The following FCHSD1 variants were observed in gnomAD, a reference collection of about 807,000 sequenced individuals.
FCHSD1 encodes FCH and double SH3 domains 1.
A neutral mutation model predicts 101.3 loss-of-function variants in FCHSD1; 109 were observed. The observed-to-expected ratio is 1.08, with a 90% CI of 0.92 to 1.26. The LOEUF (loss-of-function observed/expected upper bound fraction) is 1.26, where lower values mean the gene tolerates loss of function less well. Ranked by LOEUF, FCHSD1 falls within the 50% of genes most tolerant of loss-of-function variation. FCHSD1 has a pLI of 0.00. For synonymous variants in FCHSD1, 291 were observed against 356.8 expected, an observed-to-expected ratio of 0.82 and a Z score of 2.08; for missense variants, 820 against 895.8, an observed-to-expected ratio of 0.92 and a Z score of 1.08.
chr5:141,643,022 G>T lies in FCHSD1; in HGVS notation c.1930C>A (p.Pro644Thr). ...TCACCCCCAGGCAGGACAGGTGCAG[G>T]GGGCCCATCCAACACAGAGGTAGGT... ...PAPTSVLDGP[P>T]APVLPGDKAL... is the part of the protein sequence containing the mutation. The change falls in exon 18 of 20, where the codon CCT (proline) becomes ACT (threonine). Residue 644 changes from proline to threonine, a missense_variant. Physicochemically the swap from Pro to Thr is conservative, Grantham distance 38. Coordinates refer to ENST00000435817, the MANE Select transcript of FCHSD1 (RefSeq NM_033449.3). 6.4e-7 allele frequency: 1 copy of T among 1,565,586 alleles called. No homozygotes were observed. The highest frequency in any genetic ancestry group is 2.4e-5 in the East Asian group (1 of 41,408).
chr5:141,649,392 T>C lies in FCHSD1; in HGVS notation c.375+3A>G. On this transcript the variant is annotated splice_donor_region_variant and intron_variant, in intron 5 of 19. Transcript: ENST00000435817. The surrounding 1 kb of genome is among the most constrained non-coding windows in gnomAD (Gnocchi z 4.1). ...TTCCTTCACCCCAACCTCTGAGCCA[T>C]ACCTTCCTAAGCACCTGCTCCTTGG... The C allele has an allele frequency of 1.2e-6, 2 of 1,613,844 alleles. No individual in the cohort carries two copies. Among genetic ancestry groups the C allele is most frequent in the Non-Finnish European group, 1.7e-6 (2 of 1,179,802 alleles).
At chr5:141,647,631 G>C in intron 8 of FCHSD1, 111 bp from the exon 9 acceptor site, 1 of 1,514,776 alleles carries the variant, frequency 6.6e-7, no homozygotes. Flanking sequence ...AAGGAGAGAA[G>C]AAGACATTCT....
In FCHSD1 at chr5:141,639,860, G is replaced by A; in HGVS notation, c.*1638C>T. 1 of 1,569,336 alleles carries A rather than the reference G, an allele frequency of 6.4e-7. No individual in the cohort carries two copies. The highest frequency in any genetic ancestry group is 8.8e-7 in the Non-Finnish European group (1 of 1,141,886). On this transcript the variant is annotated 3_prime_UTR_variant, in exon 20 of 20. Coordinates refer to ENST00000435817, the MANE Select transcript of FCHSD1 (RefSeq NM_033449.3). The surrounding 1 kb of genome is among the most constrained non-coding windows in gnomAD (Gnocchi z 4.4). ...AAACTCAGGATGTCCCTGGTCAGAG[G>A]GGAGGGCCAAGCAGCCTCTGAGTTG...
rs988066359 is a variant in FCHSD1 at position 141,649,343 on chromosome 5, C to A, written c.376-35G>T. ...TGCATACACAAAGTCCTTACCTAGA[C>A]CACCTTTGGTCCCAAGCCAGCTCTT... On this transcript the variant is annotated intron_variant, in intron 5 of 19. Transcript: ENST00000435817. The surrounding 1 kb of genome is among the most constrained non-coding windows in gnomAD (Gnocchi z 4.1). The A allele has an allele frequency of 1.2e-6, 2 of 1,613,830 alleles. No homozygotes were observed. The highest frequency in any genetic ancestry group is 2.2e-5 in the East Asian group (1 of 44,894).
rs371568045 is a variant in FCHSD1, at chr5:141,644,649, T to C, written c.1566A>G (p.Arg522=). Residue 522 remains arginine, a synonymous_variant, in exon 16 of 20, where the codon CGA becomes CGG. Transcript: ENST00000435817. ...QHGEVGFVPE[R]YLNFPDLSLP... ...GGGAGAGGTCCGGGAAGTTGAGATA[T>C]CGCTCAGGGACAAAGCCTACCTCGC... 13 of 1,613,818 alleles carry C rather than the reference T, an allele frequency of 8.1e-6. No individual in the cohort carries two copies. Among genetic ancestry groups the C allele is most frequent in the African/African-American group, 5.3e-5 (4 of 74,904 alleles).
chr5:141,641,705 C>CCTGAGT lies in FCHSD1; in HGVS notation c.1998_2003dup (p.Leu667_Arg668dup), dbSNP rs2099906920. The CCTGAGT allele has an allele frequency of 3.1e-6, 5 of 1,614,038 alleles. No individual in the cohort carries two copies. In the East Asian group the frequency reaches 1.1e-4, roughly 36 times the overall value. On this transcript the variant is annotated inframe_insertion, in exon 19 of 20. Transcript: ENST00000435817. ...CCTCCAAGGCAAGGGCCCTTACCGG[C>CCTGAGT]CTGAGTCGAGGTGCCATCATGTCCA...
In FCHSD1 at chr5:141,641,559, C is replaced by A; in HGVS notation, c.2012G>T (p.Arg671Leu). The A allele has an allele frequency of 1.3e-6, 2 of 1,537,384 alleles. No homozygotes were observed. Among genetic ancestry groups the A allele is most frequent in the Admixed American group, 2.0e-5 (1 of 49,192 alleles). The change falls in exon 20 of 20, where the codon CGT becomes CTT. Residue 671 changes from arginine (R) to leucine (L), a missense_variant. Arg to Leu is a moderately radical substitution (Grantham distance 102, BLOSUM62 -2). Transcript: ENST00000435817. ...TTTAGCCGGCGGGGGAGGTGGTGGA[C>A]GCATCTGTAGGGAACACACAGTTAG... The part of the protein sequence containing the change: ...DMMAPRLRPM[R>L]PPPPPPAKAP...
Position 141,639,864 on chromosome 5 carries a change from G to A in FCHSD1, c.*1634C>T, listed in dbSNP as rs2099906632. 3 of 1,575,156 alleles carry A rather than the reference G, an allele frequency of 1.9e-6. No individual in the cohort carries two copies. The highest frequency in any genetic ancestry group is 4.5e-5 in the East Asian group (2 of 44,724). Reference sequence around the variant, plus strand: ...TCAGGATGTCCCTGGTCAGAGGGGAGGGCCAAGCAGCCTCTGAGTTGTGGT... The same window carrying A: ...TCAGGATGTCCCTGGTCAGAGGGGAAGGCCAAGCAGCCTCTGAGTTGTGGT... On this transcript the variant is annotated 3_prime_UTR_variant, in exon 20 of 20. Coordinates refer to ENST00000435817, the MANE Select transcript of FCHSD1 (RefSeq NM_033449.3). This position sits in a 1 kb window ranked among gnomAD's most constrained non-coding sequence, Gnocchi z 4.4.
chr5:141,650,284 T>TCA, intron 3 of FCHSD1, 75 bp downstream of exon 3: 1 of 1,582,104 alleles, frequency 6.3e-7, no homozygotes, highest in South Asian at 1.1e-5. Flanking sequence ...ACAATAGGGA[T>TCA]AGGTATGGAC....
intron 18 of FCHSD1, 38 bp downstream of exon 18, chr5:141,642,963 C>A (rs554792651): frequency 3.2e-6 from 5 of 1,539,574 alleles, no homozygotes; most frequent in Non-Finnish European, 3.5e-6. Flanking sequence ...TTCTTCCTGT[C>A]TGTTAGCCTC....
At position 141,640,847 on chromosome 5, in the gene FCHSD1, CTTCTCCTTCCCCTGCCTGCAA is replaced by C. The variant is rs2099906790; in HGVS notation, c.*630_*650del. 6.5e-6 allele frequency: 4 copies of C among 614,544 alleles called. No individual in the cohort carries two copies. Among genetic ancestry groups the C allele is most frequent in the Non-Finnish European group, 1.1e-5 (4 of 355,218 alleles). The allele number at this position is 614,544 out of a possible 1,614,324, so 38.1% of individuals were successfully genotyped here. A position where few individuals can be genotyped will look rare whatever the true frequency, so the allele number is the denominator to read the frequency against. On this transcript the variant is annotated 3_prime_UTR_variant, in exon 20 of 20. Coordinates refer to ENST00000435817, the MANE Select transcript of FCHSD1 (RefSeq NM_033449.3). ...AGGAGAGGTCACAGCCCCTCAGTCTCTTCTCCTTCCCCTGCCTGCAACAGGCTGCCTGCCCCGCCTTCCCCA... is the reference window on the plus strand; with the variant it reads ...AGGAGAGGTCACAGCCCCTCAGTCTCCAGGCTGCCTGCCCCGCCTTCCCCA...
rs1447102890 is a variant in FCHSD1, at chr5:141,647,470, CAG to C, written c.754_755del (p.Leu252GlufsTer4). ...SEHLRDPLTS[L>X]SHTELEAAEV... Reference sequence around the variant, plus strand: ...CTGCGGCTTCCAGCTCAGTGTGGCTCAGGGAGGTCAGGGGGTCCCTCAAGTGC... The same window carrying C: ...CTGCGGCTTCCAGCTCAGTGTGGCTCGGAGGTCAGGGGGTCCCTCAAGTGC... On this transcript the variant is annotated frameshift_variant, in exon 9 of 20. Transcript: ENST00000435817. LOFTEE classifies it high-confidence loss of function. 1 of 1,612,276 alleles carries C rather than the reference CAG, an allele frequency of 6.2e-7. No individual in the cohort carries two copies. Among genetic ancestry groups the C allele is most frequent in the Non-Finnish European group, 8.5e-7 (1 of 1,179,354 alleles).
chr5:141,641,731 G>A lies in FCHSD1; in HGVS notation c.1978C>T (p.Leu660=). 6.2e-7 allele frequency: 1 copy of A among 1,614,038 alleles called. No individual in the cohort carries two copies. Among genetic ancestry groups the A allele is most frequent in the Non-Finnish European group, 8.5e-7 (1 of 1,179,912 alleles). The change falls in exon 19 of 20, where the codon CTG becomes TTG. Residue 660 remains leucine (L), a synonymous_variant. Transcript: ENST00000435817. ...CTGAGTCGAGGTGCCATCATGTCCA[G>A]GAACCCAGGGAAGTCCAGGGCTTTG... is the stretch of plus-strand genomic sequence containing the variant. ...GDKALDFPGF[L]DMMAPRLRPM... is the part of the protein sequence containing the mutation.
At position 141,649,814 on chromosome 5, in the gene FCHSD1, C is replaced by A; in HGVS notation, c.233+73G>T. ...CCTTCCCCACTTGCTAGGCCTTCAT[C>A]CCCACAGGTTCCTGGGGCTGAGCTC... On this transcript the variant is annotated intron_variant, in intron 4 of 19. Transcript: ENST00000435817. This position sits in a 1 kb window ranked among gnomAD's most constrained non-coding sequence, Gnocchi z 4.1. 6.7e-7 allele frequency: 1 copy of A among 1,501,600 alleles called. No homozygotes were observed. The highest frequency in any genetic ancestry group is 8.9e-7 in the Non-Finnish European group (1 of 1,120,600). The allele number at this position is 1,501,600 out of a possible 1,614,324, so 93.0% of individuals were successfully genotyped here. A position where few individuals can be genotyped will look rare whatever the true frequency, so the allele number is the denominator to read the frequency against.
chr5:141,646,747 A>C, intron 10 of FCHSD1, 25 bp from the exon 11 acceptor site: 1 of 1,608,150 alleles, frequency 6.2e-7, no homozygotes. Flanking sequence ...GGGTGCTGTG[A>C]GGAGGACCTG....
In FCHSD1 at chr5:141,648,051, G is replaced by C; in HGVS notation, c.622C>G (p.Arg208Gly). 1 of 1,613,592 alleles carries C rather than the reference G, an allele frequency of 6.2e-7. No homozygotes were observed. The highest frequency in any genetic ancestry group is 8.5e-7 in the Non-Finnish European group (1 of 1,179,696). Residue 208 changes from arginine to glycine, a missense_variant, in exon 8 of 20, where the codon CGC becomes GGC. Coordinates refer to ENST00000435817, the MANE Select transcript of FCHSD1 (RefSeq NM_033449.3). ...ACCAAGTTAAGCAGGTACTCATTGC[G>C]GGCTGCTTGCAGCTGCTGGGAGTAC... ...AQYSQQLQAA[R>G]NEYLLNLVAT...
intron 18 of FCHSD1, chr5:141,642,121 A>G: frequency 2.0e-6 from 1 of 503,934 alleles, no homozygotes; most frequent in Non-Finnish European, 3.5e-6. Flanking sequence ...CCTTGTGGAC[A>G]AGGTGGAAGT....
At position 141,651,122 on chromosome 5, in the gene FCHSD1, G is replaced by C. The variant is rs552613580; in HGVS notation, c.22-5C>G. 9.8e-5 allele frequency: 154 copies of C among 1,579,340 alleles called. 1 individual carries two copies. The South Asian group carries it at 1.5e-3, about 15-fold the overall frequency. On this transcript the variant is annotated splice_region_variant and splice_polypyrimidine_tract_variant and intron_variant, in intron 1 of 19. Coordinates refer to ENST00000435817, the MANE Select transcript of FCHSD1 (RefSeq NM_033449.3). The stretch of plus-strand genomic sequence containing the variant: ...CACCTCCTGGGCCGGCTTCACCTGT[G>C]GGGGCAAAGAGAGGATGAAGACCCC...
rs2099907363 is a variant in FCHSD1, at chr5:141,644,209, A to G, written c.1863+9T>C. ...TGCCTGGGGAGTTCAGGGAGAAGGT[A>G]AGCCTCACCTGTTCAGGGTCAGAGA... On this transcript the variant is annotated intron_variant, in intron 17 of 19. Coordinates refer to ENST00000435817, the MANE Select transcript of FCHSD1 (RefSeq NM_033449.3). The G allele has an allele frequency of 6.2e-7, 1 of 1,605,804 alleles. No homozygotes were observed. The highest frequency in any genetic ancestry group is 8.5e-7 in the Non-Finnish European group (1 of 1,176,114).
Sources: allele counts gnomAD v4.1 joint callset, GRCh38; gene constraint gnomAD v4.1.1; non-coding constraint Gnocchi (gnomAD v3.1); transcripts MANE v1.5; gene names NCBI Gene and HGNC (gene_info 2026-07-23, HGNC 2026-07-21).